The following CDT1 variants were observed in gnomAD, a reference collection of about 807,000 sequenced individuals.
CDT1 encodes DNA replication factor Cdt1.
In CDT1, 66 loss-of-function variants were observed where a neutral mutation model predicts 49.3. The observed-to-expected ratio is 1.34, with a 90% CI of 1.10 to 1.64. CDT1 has a LOEUF of 1.64. CDT1 is among the 40% of genes most tolerant of loss of function. CDT1 has a pLI of 0.00. For missense variants in CDT1, 958 were observed against 807.7 expected, an observed-to-expected ratio of 1.19 and a Z score of -2.26; for synonymous variants, 424 against 347.4, an observed-to-expected ratio of 1.22 and a Z score of -2.45.
chr16:88,806,722 C>T, intron 7 of CDT1, 48 bp downstream of exon 7: 8 of 1,551,242 alleles, frequency 5.2e-6, no homozygotes, highest in South Asian at 1.2e-5. Context: ...GTGGGTGGGC[C>T]AGCCTGACCC....
chr16:88,808,999 C>CA lies in CDT1; in HGVS notation c.*732dup, dbSNP rs796277561. Reference sequence around the variant, plus strand: ...TGGGTGACAGAGCGAGACTCCGTCTCAAAAAAAAAAATTTCAAGACTGGAG... The same window carrying CA: ...TGGGTGACAGAGCGAGACTCCGTCTCAAAAAAAAAAAATTTCAAGACTGGAG... On this transcript the variant is annotated 3_prime_UTR_variant, in exon 10 of 10. Transcript: ENST00000301019. 0.011 allele frequency: 1,768 copies of CA among 164,254 alleles called. 5 individuals are homozygous for CA. The highest frequency in any genetic ancestry group is 0.027 in the East Asian group (163 of 5,962). 10.2% of individuals were successfully genotyped at this position (164,254 alleles called of 1,614,324 possible).
Position 88,805,504 on chromosome 16 carries a change from G to A in CDT1, c.553G>A (p.Val185Met), listed in dbSNP as rs577211739. The A allele has an allele frequency of 7.4e-6, 12 of 1,612,796 alleles. No individual in the cohort carries two copies. The African/African-American group carries it at 9.3e-5, about 13-fold the overall frequency. Residue 185 changes from valine (V) to methionine (M), a missense_variant, in exon 4 of 10, where the codon GTG becomes ATG. Physicochemically the swap from Val to Met is conservative, Grantham distance 21 (BLOSUM62 1). Coordinates refer to ENST00000301019, the MANE Select transcript of CDT1 (RefSeq NM_030928.4). ...ALAQPGLPGLVLPYKYQVLAE... is the reference protein window; with the variant it reads ...ALAQPGLPGLMLPYKYQVLAE... ...GGCCCAGCCCGGCCTGCCGGGACTC[G>A]TGCTGCCCTACAAGTACCAGGTGCT... is the stretch of plus-strand genomic sequence containing the variant.
intron 9 of CDT1, 82 bp from the exon 10 acceptor site, chr16:88,808,032 TG>T: frequency 2.7e-6 from 4 of 1,477,388 alleles, no homozygotes; most frequent in Non-Finnish European, 3.7e-6. Flanking sequence ...GCACAGAGGT[TG>T]GGTGGTCAGG....
chr16:88,808,113 A>T lies in CDT1; in HGVS notation c.1478-2A>T. 1 of 1,612,168 alleles carries T rather than the reference A, an allele frequency of 6.2e-7. No homozygotes were observed. The highest frequency in any genetic ancestry group is 8.5e-7 in the Non-Finnish European group (1 of 1,179,708). On this transcript the variant is annotated splice_acceptor_variant, in intron 9 of 9. Transcript: ENST00000301019. LOFTEE classifies it high-confidence loss of function. Reference sequence around the variant, plus strand: ...CCTCAGTGTCCTCCTCTCCTCCCCCAGGGGAAATGGAGAAGCACCTGCTGC... The same window carrying T: ...CCTCAGTGTCCTCCTCTCCTCCCCCTGGGGAAATGGAGAAGCACCTGCTGC...
chr16:88,806,268 C>A, intron 6 of CDT1, 147 bp downstream of exon 6: 2 of 1,000,824 alleles, frequency 2.0e-6, no homozygotes, highest in Non-Finnish European at 3.0e-6. Context: ...GGCTGGTGTG[C>A]TCAGGGTGCA....
In CDT1 at chr16:88,803,887, G is replaced by A. The variant is rs772886944; in HGVS notation, c.56G>A (p.Arg19His). Residue 19 changes from arginine to histidine, a missense_variant, in exon 1 of 10, where the codon CGC (arginine) becomes CAC (histidine). Coordinates refer to ENST00000301019, the MANE Select transcript of CDT1 (RefSeq NM_030928.4). ...FFARRRPGPP[R>H]IAPPKLACRT... ...GCGCGCCGCCGCCCCGGGCCCCCCC[G>A]CATCGCGCCGCCCAAGCTGGCCTGC... 4 of 1,458,336 alleles carry A rather than the reference G, an allele frequency of 2.7e-6. No individual in the cohort carries two copies. The highest frequency in any genetic ancestry group is 2.9e-5 in the African/African-American group (2 of 67,834). 90.3% of individuals were successfully genotyped at this position (1,458,336 alleles called of 1,614,324 possible).
chr16:88,808,172 T>G lies in CDT1; in HGVS notation c.1535T>G (p.Leu512Arg). Residue 512 changes from leucine to arginine, a missense_variant, in exon 10 of 10, where the codon CTC becomes CGC. By Grantham distance (102) the Leu-to-Arg change is moderately radical (BLOSUM62 -2). Coordinates refer to ENST00000301019, the MANE Select transcript of CDT1 (RefSeq NM_030928.4). Reference sequence around the variant, plus strand: ...GAGCTGCTGCCGGACTGGCTCAGCCTCCACCGCATCCGCACCGACACCTAC... The same window carrying G: ...GAGCTGCTGCCGGACTGGCTCAGCCGCCACCGCATCCGCACCGACACCTAC... The part of the protein sequence containing the change: ...LSELLPDWLS[L>R]HRIRTDTYVK... 1 of 1,612,848 alleles carries G rather than the reference T, an allele frequency of 6.2e-7. No homozygotes were observed. Among genetic ancestry groups the G allele is most frequent in the Non-Finnish European group, 8.5e-7 (1 of 1,179,960 alleles).
At position 88,805,450 on chromosome 16, in the gene CDT1, G is replaced by A; in HGVS notation, c.499G>A (p.Ala167Thr). 6.2e-7 allele frequency: 1 copy of A among 1,612,660 alleles called. No homozygotes were observed. The highest frequency in any genetic ancestry group is 2.2e-5 in the East Asian group (1 of 44,882). ...GRPEEPCGEK[A>T]PAYQRFHALA... Reference sequence around the variant, plus strand: ...CTCCCTCCCTGACAGTGGCGAGAAGGCGCCCGCCTACCAGCGCTTCCATGC... The same window carrying A: ...CTCCCTCCCTGACAGTGGCGAGAAGACGCCCGCCTACCAGCGCTTCCATGC... Residue 167 changes from alanine (A) to threonine (T), a missense_variant, in exon 4 of 10, where the codon GCG becomes ACG. Transcript: ENST00000301019.
At chr16:88,804,385 C>T (rs1037098497) in intron 1 of CDT1, among the ~76,000 whole-genome samples, 160 bp from the exon 2 acceptor site, 2 of 152,148 alleles carry the variant, frequency 1.3e-5, no homozygotes, top group East Asian at 3.9e-4. Context: ...AAGGCTGTGT[C>T]CCCGGCCTTA....
In CDT1 at chr16:88,805,395, G is replaced by A. The variant is rs201101577; in HGVS notation, c.489-45G>A. 1.0e-4 allele frequency: 165 copies of A among 1,607,036 alleles called. No homozygotes were observed. In the African/African-American group the frequency reaches 2.0e-3, roughly 20 times the overall value. On this transcript the variant is annotated intron_variant, in intron 3 of 9. Coordinates refer to ENST00000301019, the MANE Select transcript of CDT1 (RefSeq NM_030928.4). The stretch of plus-strand genomic sequence containing the variant: ...GAGGGGCCTGCTGTGGCGTTGGAGG[G>A]GTAGGGGCCTACTGCTTCTCATGAG...
In CDT1 at chr16:88,804,067, G is replaced by C. The variant is rs1176433479; in HGVS notation, c.228+8G>C. On this transcript the variant is annotated splice_region_variant and intron_variant, in intron 1 of 9. Transcript: ENST00000301019. ...CGGCTGTCGGTGGACGAGGTGAGGG[G>C]CGTGGGGAGACTGAGGCCGGGGAGT... 2.8e-6 allele frequency: 4 copies of C among 1,433,750 alleles called. No homozygotes were observed. Among genetic ancestry groups the C allele is most frequent in the Non-Finnish European group, 3.6e-6 (4 of 1,099,588 alleles). The allele number at this position is 1,433,750 out of a possible 1,614,324, so 88.8% of individuals were successfully genotyped here. A position where few individuals can be genotyped will look rare whatever the true frequency, so the allele number is the denominator to read the frequency against.
chr16:88,807,342 AG>A lies in CDT1; in HGVS notation c.1338del (p.Gln446HisfsTer6). ...AQMTRCPEQE[Q>X]RLQRLERLPE... is the part of the protein sequence containing the mutation. ...ATGACGCGGTGCCCGGAGCAGGAGC[AG>A]CGGCTGCAGCGCTTAGAACGGCTGC... On this transcript the variant is annotated frameshift_variant, in exon 9 of 10. Transcript: ENST00000301019. LOFTEE classifies it high-confidence loss of function. 1 of 1,612,570 alleles carries A rather than the reference AG, an allele frequency of 6.2e-7. No homozygotes were observed.
At chr16:88,805,027 C>T (rs1280170635) in intron 3 of CDT1, 129 bp downstream of exon 3, 7 of 1,271,584 alleles carry the variant, frequency 5.5e-6, no homozygotes, top group African/African-American at 4.5e-5. Flanking sequence ...CACCAGGGCG[C>T]GGACCCAGAC....
Position 88,804,550 on chromosome 16 carries a change from C to T in CDT1, c.234C>T (p.Ser78=), listed in dbSNP as rs780927877. The change falls in exon 2 of 10, where the codon TCC becomes TCT. Residue 78 remains serine (S), a synonymous_variant. Transcript: ENST00000301019. The stretch of plus-strand genomic sequence containing the variant: ...CTTGGGGTCCCTCCCACCAGGTTTC[C>T]AGCCCCAGTACCCCCGAGGCCCCAG... The part of the protein sequence containing the change: ...RRLRLSVDEV[S]SPSTPEAPDI... The T allele has an allele frequency of 6.2e-7, 1 of 1,612,262 alleles. No individual in the cohort carries two copies. The highest frequency in any genetic ancestry group is 8.5e-7 in the Non-Finnish European group (1 of 1,179,442).
At position 88,808,463 on chromosome 16, in the gene CDT1, T is replaced by C. The variant is rs1908958166; in HGVS notation, c.*185T>C. 1.6e-6 allele frequency: 1 copy of C among 642,682 alleles called. No homozygotes were observed. The highest frequency in any genetic ancestry group is 2.7e-6 in the Non-Finnish European group (1 of 376,702). 39.8% of individuals were successfully genotyped at this position (642,682 alleles called of 1,614,324 possible). On this transcript the variant is annotated 3_prime_UTR_variant, in exon 10 of 10. Coordinates refer to ENST00000301019, the MANE Select transcript of CDT1 (RefSeq NM_030928.4). ...CTCTGGCTGCGGGCGGTGGGCCCCTTCATGGGGCTCACCTGGTGGATTCAC... is the reference window on the plus strand; with the variant it reads ...CTCTGGCTGCGGGCGGTGGGCCCCTCCATGGGGCTCACCTGGTGGATTCAC...
chr16:88,807,473 A>C lies in CDT1; in HGVS notation c.1468A>C (p.Met490Leu), dbSNP rs1480590104. The C allele has an allele frequency of 4.3e-6, 7 of 1,612,934 alleles. No individual in the cohort carries two copies. The highest frequency in any genetic ancestry group is 5.9e-6 in the Non-Finnish European group (7 of 1,179,912). The change falls in exon 9 of 10, where the codon ATG becomes CTG. Residue 490 changes from methionine to leucine, a missense_variant. Transcript: ENST00000301019. Reference sequence around the variant, plus strand: ...GATGGTGGGCAGCTGTTGTACTATCATGAGCCCTGGTACGTGCAGGGCGGG... The same window carrying C: ...GATGGTGGGCAGCTGTTGTACTATCCTGAGCCCTGGTACGTGCAGGGCGGG... ...ARMVGSCCTI[M>L]SPGEMEKHLL...
chr16:88,807,618 A>C, intron 9 of CDT1, 136 bp downstream of exon 9: 1 of 907,990 alleles, frequency 1.1e-6, no homozygotes, highest in Admixed American at 2.1e-5. Flanking sequence ...GGCCTCTTGC[A>C]CTGGTGTGTC....
rs1860983820 is a variant in CDT1 at position 88,808,826 on chromosome 16, C to T, written c.*548C>T. 6.3e-6 allele frequency: 1 copy of T among 158,266 alleles called. No individual in the cohort carries two copies. The highest frequency in any genetic ancestry group is 1.4e-5 in the Non-Finnish European group (1 of 73,250). The allele number at this position is 158,266 out of a possible 1,614,324, so 9.8% of individuals were successfully genotyped here. A position where few individuals can be genotyped will look rare whatever the true frequency, so the allele number is the denominator to read the frequency against. On this transcript the variant is annotated 3_prime_UTR_variant, in exon 10 of 10. Coordinates refer to ENST00000301019, the MANE Select transcript of CDT1 (RefSeq NM_030928.4). The stretch of plus-strand genomic sequence containing the variant: ...CCTGGCGAACATGGTGAAACCCCAT[C>T]TCTACTAAAAATACAAAAAATTAGC...
At chr16:88,805,009 G>T in intron 3 of CDT1, 111 bp downstream of exon 3, 1 of 1,417,300 alleles carries the variant, frequency 7.1e-7, no homozygotes, top group Non-Finnish European at 9.4e-7. Context: ...GGAGGGTGGT[G>T]GTGAGGTCAC....
Sources: allele counts gnomAD v4.1 joint callset (sites outside exome capture counted in the v4.1 genomes callset), GRCh38; gene constraint gnomAD v4.1.1; transcripts MANE v1.5; gene names NCBI Gene and HGNC (gene_info 2026-07-23, HGNC 2026-07-21).